The following PROM1 variants were observed in gnomAD, a reference collection of about 807,000 sequenced individuals.
The protein encoded by PROM1 is prominin 1, also known as prominin-1.
PROM1 carries 105 observed loss-of-function variants against 116.9 expected under a neutral mutation model. That is an observed-to-expected ratio of 0.90 (90% CI 0.77 to 1.06). The LOEUF (loss-of-function observed/expected upper bound fraction) is 1.06. Among genes scored for constraint, PROM1 ranks in the 50% least tolerant of loss-of-function variants. The probability of loss-of-function intolerance (pLI) is 0.00; values close to 1 mark genes in which losing one functional copy is unlikely to be tolerated. For missense variants in PROM1, 1,122 were observed against 1,045.2 expected, an observed-to-expected ratio of 1.07 and a Z score of -1.01; for synonymous variants, 393 against 387.0, an observed-to-expected ratio of 1.02 and a Z score of -0.18.
chr4:15,970,234 C>T (rs1269636463), intron 27 of PROM1, among the ~76,000 whole-genome samples: 6 of 146,750 alleles, frequency 4.1e-5, no homozygotes, highest in African/African-American at 1.3e-4. Flanking sequence ...GGTGTGATCT[C>T]GGCTCACTGC....
rs1160640802 is a variant in PROM1 at position 16,023,420 on chromosome 4, A to G, written c.695-5T>C. On this transcript the variant is annotated splice_region_variant and splice_polypyrimidine_tract_variant and intron_variant, in intron 7 of 27. Transcript: ENST00000447510. ...CTCCTAGCACTGAATTGATACCTAC[A>G]TGCAAATAAGCACAAAGATGGTGAG... 7 of 1,586,350 alleles carry G rather than the reference A, an allele frequency of 4.4e-6. No homozygotes were observed. The highest frequency in any genetic ancestry group is 1.7e-5 in the Admixed American group (1 of 57,628).
rs142055619 is a variant in PROM1 at position 16,001,730 on chromosome 4, A to G, written c.1455-1111T>C. Among the ~76,000 whole-genome samples the G allele has an allele frequency of 5.3e-3, 811 of 152,218 alleles. 8 individuals are homozygous for G. The highest frequency in any genetic ancestry group is 0.019 in the African/African-American group (774 of 41,520). On this transcript the variant is annotated intron_variant, in intron 13 of 27. Transcript: ENST00000447510. ...CGGAGTGGACCGGAGAGTCAGCAGG[A>G]GAGGAGGGCACAGGCAGCAAGCGCA...
intron 23 of PROM1, among the ~76,000 whole-genome samples, chr4:15,981,036 A>G (rs577781904): frequency 6.6e-6 from 1 of 151,238 alleles, no homozygotes; most frequent in Admixed American, 6.6e-5. Context: ...ATCTCGGCTC[A>G]CTGCAAGCTC....
At chr4:16,058,033 G>GA (rs1399309812) in intron 2 of PROM1, among the ~76,000 whole-genome samples, 1 of 151,824 alleles carries the variant, frequency 6.6e-6, no homozygotes, top group Non-Finnish European at 1.5e-5. Flanking sequence ...AATTGTTCAG[G>GA]AAAAAAAGAC....
chr4:16,010,034 G>A (rs1267449696), intron 11 of PROM1, among the ~76,000 whole-genome samples: 2 of 151,974 alleles, frequency 1.3e-5, no homozygotes, highest in African/African-American at 4.8e-5. Context: ...GTGACTCTGG[G>A]TGATATTTTT....
rs780961752 is a variant in PROM1, at chr4:15,987,666, CA to C, written c.2126del (p.Leu709CysfsTer5). ...VKILQRTGNGLLERVTRILAS... is the reference protein window; with the variant it reads ...VKILQRTGNGXLERVTRILAS... ...AGAAAACAAAGTAAACCCTTACCAA[CA>C]ATCCATTCCCTGTGCGTTGAAGTAT... On this transcript the variant is annotated frameshift_variant, in exon 20 of 28. Coordinates refer to ENST00000447510, the MANE Select transcript of PROM1 (RefSeq NM_006017.3). LOFTEE classifies it high-confidence loss of function. The C allele has an allele frequency of 6.2e-7, 1 of 1,610,388 alleles. No individual in the cohort carries two copies. Among genetic ancestry groups the C allele is most frequent in the Admixed American group, 1.7e-5 (1 of 59,488 alleles).
chr4:15,987,877 C>CTTTTT (rs56144936), intron 19 of PROM1, among the ~76,000 whole-genome samples, 161 bp from the exon 20 acceptor site: 1 of 132,380 alleles, frequency 7.6e-6, no homozygotes, highest in Non-Finnish European at 1.6e-5. Flanking sequence ...TGTGTACTTT[C>CTTTTT]TTTTTTTTTT....
At chr4:15,985,506 G>T (rs1719124424) in intron 22 of PROM1, 3 of 457,620 alleles carry the variant, frequency 6.6e-6, no homozygotes, top group Non-Finnish European at 1.1e-5. Context: ...TGGCCCCTTT[G>T]TTACCTGAAA....
chr4:15,999,155 C>G (rs985398500), intron 14 of PROM1, among the ~76,000 whole-genome samples: 2 of 152,158 alleles, frequency 1.3e-5, no homozygotes, highest in Non-Finnish European at 2.9e-5. Context: ...CGCTATTTCT[C>G]TCTCTGGACA....
chr4:16,079,545 A>C (rs1744606874), intron 1 of PROM1: 1 of 152,214 alleles, frequency 6.6e-6, no homozygotes, highest in Admixed American at 6.5e-5. Context: ...CCAAAAACAG[A>C]AGCTCTGAGT....
chr4:16,033,337 G>A lies in PROM1; in HGVS notation c.476C>T (p.Ala159Val), dbSNP rs756250335. Residue 159 changes from alanine (A) to valine (V), a missense_variant, in exon 5 of 28, where the codon GCA (alanine) becomes GTA (valine). Coordinates refer to ENST00000447510, the MANE Select transcript of PROM1 (RefSeq NM_006017.3). ...ENGPFLRKCF[A>V]ISLLVICIII... ...TATACAAATCACCAACAGGGAGATT[G>A]CAAAGCATTTCCTCAGGAAGGGCCC... 3 of 1,613,758 alleles carry A rather than the reference G, an allele frequency of 1.9e-6. No individual in the cohort carries two copies. Among genetic ancestry groups the A allele is most frequent in the Non-Finnish European group, 2.5e-6 (3 of 1,179,772 alleles).
intron 8 of PROM1, among the ~76,000 whole-genome samples, chr4:16,022,724 T>C (rs916238597): frequency 2.6e-5 from 4 of 152,224 alleles, no homozygotes; most frequent in African/African-American, 7.2e-5. Context: ...GAGGTCTTTT[T>C]TCATTACAGT....
At chr4:16,000,940 C>A (rs890910766) in intron 13 of PROM1, among the ~76,000 whole-genome samples, 1 of 152,098 alleles carries the variant, frequency 6.6e-6, no homozygotes, top group African/African-American at 2.4e-5. Context: ...TGTATAGGGG[C>A]CTGGGGACCC....
intron 2 of PROM1, among the ~76,000 whole-genome samples, chr4:16,043,173 T>A (rs1735736511): frequency 6.6e-6 from 1 of 152,176 alleles, no homozygotes; most frequent in Admixed American, 6.5e-5. Flanking sequence ...AGACCCACAG[T>A]GTGTGAGTGA....
rs760619673 is a variant in PROM1, at chr4:16,024,306, G to A, written c.683C>T (p.Thr228Ile). 4.3e-6 allele frequency: 7 copies of A among 1,613,330 alleles called. No homozygotes were observed. Among genetic ancestry groups the A allele is most frequent in the Middle Eastern group, 1.7e-4 (1 of 6,060 alleles). The change falls in exon 7 of 28, where the codon ACA (threonine) becomes ATA (isoleucine). Residue 228 changes from threonine (T) to isoleucine (I), a missense_variant. Physicochemically the swap from Thr to Ile is moderately conservative, Grantham distance 89. Transcript: ENST00000447510. Reference sequence around the variant, plus strand: ...TAAATTTTACTCACTGTTCAGATCTGTGAACGCCTTGTCCTTGGTAGTGTT... The same window carrying A: ...TAAATTTTACTCACTGTTCAGATCTATGAACGCCTTGTCCTTGGTAGTGTT... ...QYNTTKDKAF[T>I]DLNSINSVLG...
At chr4:16,006,925 G>A (rs1013367679) in intron 12 of PROM1, among the ~76,000 whole-genome samples, 7 of 152,138 alleles carry the variant, frequency 4.6e-5, no homozygotes, top group African/African-American at 1.4e-4. Context: ...ATTGTTCCTG[G>A]TGGTCATGGG....
intron 1 of PROM1, chr4:16,083,725 A>G (rs1470563362): frequency 6.6e-6 from 1 of 152,582 alleles, no homozygotes; most frequent in Non-Finnish European, 1.5e-5. Context: ...CCCTTCCCTT[A>G]GCTCGCCAGA....
intron 2 of PROM1, among the ~76,000 whole-genome samples, chr4:16,044,494 C>G (rs1285413716): frequency 1.3e-5 from 2 of 152,192 alleles, no homozygotes; most frequent in Non-Finnish European, 2.9e-5. Context: ...GGAGAGACCA[C>G]AGGGTCCCTC....
intron 23 of PROM1, among the ~76,000 whole-genome samples, chr4:15,981,007 G>C (rs28406363): frequency 6.7e-6 from 1 of 148,340 alleles, no homozygotes; most frequent in African/African-American, 2.5e-5. Context: ...TGTCGCCCAG[G>C]CTAGAGTGCA....
Sources: allele counts gnomAD v4.1 joint callset (sites outside exome capture counted in the v4.1 genomes callset), GRCh38; gene constraint gnomAD v4.1.1; transcripts MANE v1.5; gene names NCBI Gene and HGNC (gene_info 2026-07-23, HGNC 2026-07-21).